The following HECTD4 variants were observed in gnomAD, a reference collection of about 807,000 sequenced individuals.
The protein encoded by HECTD4 is probable E3 ubiquitin-protein ligase HECTD4.
HECTD4 carries 114 observed loss-of-function variants against 471.5 expected under a neutral mutation model. The observed-to-expected ratio is 0.24, with a 90% CI of 0.21 to 0.28. HECTD4 has a LOEUF of 0.28. Ranked by LOEUF, HECTD4 falls within the 10% of genes least tolerant of loss-of-function variation. The pLI is 1.00. For missense variants in HECTD4, 3,866 were observed against 5,651.5 expected, an observed-to-expected ratio of 0.68 and a Z score of 10.13; for synonymous variants, 2,012 against 2,256.0, an observed-to-expected ratio of 0.89 and a Z score of 3.07.
rs781520253 is a variant in HECTD4 at position 112,256,432 on chromosome 12, A to G, written c.3215T>C (p.Val1072Ala). The change falls in exon 21 of 76, where the codon GTC (valine) becomes GCC (alanine). Residue 1072 changes from valine to alanine, a missense_variant. Val to Ala is a moderately conservative substitution (Grantham distance 64). Transcript: ENST00000682272. ...TTTATAGTTGTCTCTGACGGGGTGG[A>G]CTGTTTCCACAGTCTTTCCAGCAGC... ...PWAAGKTVETVHPVRDNYKFK... is the reference protein window; with the variant it reads ...PWAAGKTVETAHPVRDNYKFK... 1.2e-6 allele frequency: 2 copies of G among 1,612,974 alleles called. No homozygotes were observed. Among genetic ancestry groups the G allele is most frequent in the South Asian group, 1.1e-5 (1 of 90,772 alleles).
At chr12:112,371,263 C>A (rs757190481) in intron 1 of HECTD4, among the ~76,000 whole-genome samples, 3 of 152,180 alleles carry the variant, frequency 2.0e-5, no homozygotes, top group Non-Finnish European at 4.4e-5. Flanking sequence ...CCTAGCCACA[C>A]TGCAAACAAA....
chr12:112,201,046 G>A (rs1189884028), intron 54 of HECTD4: 4 of 559,718 alleles, frequency 7.1e-6, no homozygotes, highest in Non-Finnish European at 1.3e-5. Context: ...CTTGCTATGT[G>A]CTTTTCTAAG....
At chr12:112,375,327 G>A (rs1184910287) in intron 1 of HECTD4, among the ~76,000 whole-genome samples, 5 of 152,132 alleles carry the variant, frequency 3.3e-5, no homozygotes, top group Non-Finnish European at 5.9e-5. Context: ...CCAGCTTTGG[G>A]CAATCACAAA....
chr12:112,338,068 T>C (rs2035990917), intron 1 of HECTD4, among the ~76,000 whole-genome samples: 1 of 152,220 alleles, frequency 6.6e-6, no homozygotes, highest in South Asian at 2.1e-4. Context: ...GAAATCGGTA[T>C]CACTGGGCTG....
intron 20 of HECTD4, among the ~76,000 whole-genome samples, chr12:112,258,145 C>T (rs996063591): frequency 1.5e-4 from 23 of 151,216 alleles, no homozygotes; most frequent in African/African-American, 3.4e-4. Flanking sequence ...GCTGAGATTG[C>T]GCCACTGCAC....
Position 112,179,206 on chromosome 12 carries a change from G to A in HECTD4, c.11179C>T (p.Pro3727Ser). 1 of 1,613,840 alleles carries A rather than the reference G, an allele frequency of 6.2e-7. No individual in the cohort carries two copies. Among genetic ancestry groups the A allele is most frequent in the Non-Finnish European group, 8.5e-7 (1 of 1,179,846 alleles). Reference protein sequence around the residue: ...LHLFFTNVRPPKKVLEDQLTQ... With the variant: ...LHLFFTNVRPSKKVLEDQLTQ... ...AGCTGATCCTCCAGCACCTTTTTTG[G>A]CGGCCGGACATTGGTGAAGAAGAGG... Residue 3727 changes from proline to serine, a missense_variant, in exon 63 of 76, where the codon CCA becomes TCA. Transcript: ENST00000682272. This position sits in a 1 kb window ranked among gnomAD's most constrained non-coding sequence, Gnocchi z 4.3.
In HECTD4 at chr12:112,382,061, A is replaced by G; in HGVS notation, c.68T>C (p.Val23Ala). 1 of 1,225,742 alleles carries G rather than the reference A, an allele frequency of 8.2e-7. No homozygotes were observed. Among genetic ancestry groups the G allele is most frequent in the Non-Finnish European group, 1.0e-6 (1 of 984,774 alleles). The allele number at this position is 1,225,742 out of a possible 1,614,324, so 75.9% of individuals were successfully genotyped here. A position where few individuals can be genotyped will look rare whatever the true frequency, so the allele number is the denominator to read the frequency against. Reference sequence around the variant, plus strand: ...GTGCAGGAAGATGGTCTCTTCCTTCACCGAGAGCCACTGCGCCGAGTCAGC... The same window carrying G: ...GTGCAGGAAGATGGTCTCTTCCTTCGCCGAGAGCCACTGCGCCGAGTCAGC... Reference protein sequence around the residue: ...AAADSAQWLSVKEETIFLHDG... With the variant: ...AAADSAQWLSAKEETIFLHDG... Residue 23 changes from valine (V) to alanine (A), a missense_variant, in exon 1 of 76, where the codon GTG (valine) becomes GCG (alanine). This residue lies in a region of HECTD4 where 440 missense variants were observed against 636.0 expected (regional missense o/e 0.69). Transcript: ENST00000682272.
At chr12:112,258,244 A>T (rs1469083850) in intron 20 of HECTD4, 1 of 306,452 alleles carries the variant, frequency 3.3e-6, no homozygotes, top group Non-Finnish European at 5.9e-6. Flanking sequence ...AATATTTTAC[A>T]TCCCCACTAT....
chr12:112,324,921 T>C lies in HECTD4; in HGVS notation c.178-5179A>G, dbSNP rs1594046258. ...TACCTACCTATGTACTCAACATACA[T>C]TTTTATTTATGGTACACCAATCATC... On this transcript the variant is annotated intron_variant, in intron 1 of 75. Transcript: ENST00000682272. 4.6e-5 allele frequency among the ~76,000 whole-genome samples: 7 copies of C among 152,338 alleles called. No individual in the cohort carries two copies. In the South Asian group the frequency reaches 1.4e-3, roughly 32 times the overall value.
chr12:112,346,536 G>A (rs1191538229), intron 1 of HECTD4, among the ~76,000 whole-genome samples: 2 of 152,168 alleles, frequency 1.3e-5, no homozygotes, highest in African/African-American at 2.4e-5. Context: ...TGCAAGATGA[G>A]CTATTTAAAT....
In HECTD4 at chr12:112,228,063, T is replaced by C. The variant is rs1418935616; in HGVS notation, c.6854+26A>G. The C allele has an allele frequency of 2.5e-6, 4 of 1,580,804 alleles. No individual in the cohort carries two copies. Among genetic ancestry groups the C allele is most frequent in the South Asian group, 1.2e-5 (1 of 84,554 alleles). ...TGTCAGCTTGCACCATGTCAGCACA[T>C]AAGGCAATGTGGGGAGGGTACTCAC... is the stretch of plus-strand genomic sequence containing the variant. On this transcript the variant is annotated intron_variant, in intron 43 of 75. Coordinates refer to ENST00000682272, the MANE Select transcript of HECTD4 (RefSeq NM_001388303.1). This position sits in a 1 kb window ranked among gnomAD's most constrained non-coding sequence, Gnocchi z 4.9.
At chr12:112,175,994 G>A in intron 65 of HECTD4, 135 bp from the exon 66 acceptor site, 2 of 1,197,426 alleles carry the variant, frequency 1.7e-6, no homozygotes, top group Middle Eastern at 2.8e-4. Flanking sequence ...CCGTAACTCT[G>A]GGAATTGTCA....
At position 112,243,562 on chromosome 12, in the gene HECTD4, G is replaced by T; in HGVS notation, c.4792-43C>A. 1 of 1,599,474 alleles carries T rather than the reference G, an allele frequency of 6.3e-7. No individual in the cohort carries two copies. The highest frequency in any genetic ancestry group is 8.5e-7 in the Non-Finnish European group (1 of 1,172,384). On this transcript the variant is annotated intron_variant, in intron 31 of 75. Coordinates refer to ENST00000682272, the MANE Select transcript of HECTD4 (RefSeq NM_001388303.1). This position sits in a 1 kb window ranked among gnomAD's most constrained non-coding sequence, Gnocchi z 6.6. The stretch of plus-strand genomic sequence containing the variant: ...GGACACCTGACTCCTGCTAACTGCC[G>T]CAAGACCCCGCATGCTGTTAGGTGC...
chr12:112,259,120 T>A lies in HECTD4; in HGVS notation c.3019A>T (p.Thr1007Ser). The A allele has an allele frequency of 6.2e-7, 1 of 1,611,674 alleles. No individual in the cohort carries two copies. Among genetic ancestry groups the A allele is most frequent in the Non-Finnish European group, 8.5e-7 (1 of 1,179,292 alleles). Residue 1007 changes from threonine (T) to serine (S), a missense_variant, in exon 19 of 76, where the codon ACC becomes TCC. Thr to Ser is a moderately conservative substitution (Grantham distance 58, BLOSUM62 1). Transcript: ENST00000682272. ...CACACCAAGGATCATACCTGGCTGG[T>A]ATAGAGTACCAGCTGCACTAGCTGA... ...MPQLVQLVLY[T>S]SQTALLLKTQ...
At chr12:112,261,115 C>G (rs1450709743) in intron 18 of HECTD4, among the ~76,000 whole-genome samples, 190 bp downstream of exon 18, 3 of 152,180 alleles carry the variant, frequency 2.0e-5, no homozygotes, top group Non-Finnish European at 4.4e-5. Context: ...GCTGTTGGCC[C>G]AATCTCACCT....
chr12:112,285,631 CATTCAATGAATACTCG>C (rs1212401518), intron 7 of HECTD4, among the ~76,000 whole-genome samples: 1 of 152,168 alleles, frequency 6.6e-6, no homozygotes, highest in Non-Finnish European at 1.5e-5. Context: ...ACTTAGGAGG[CATTCAATGAATACTCG>C]ATTGCTTGCT....
At chr12:112,189,569 A>AAAAAAAC in intron 60 of HECTD4, among the ~76,000 whole-genome samples, 1 of 151,026 alleles carries the variant, frequency 6.6e-6, no homozygotes, top group Admixed American at 6.6e-5. Flanking sequence ...AAAAAAAAAA[A>AAAAAAAC]AAAAAAGAAA....
rs192080236 is a variant in HECTD4, at chr12:112,191,553, T to G, written c.9293-588A>C. On this transcript the variant is annotated intron_variant, in intron 59 of 75. Transcript: ENST00000682272. ...CATCCTGCACTGCCCCTGAAGCCCCTCTATAAACACCAGTCAGACAGAAGC... is the reference window on the plus strand; with the variant it reads ...CATCCTGCACTGCCCCTGAAGCCCCGCTATAAACACCAGTCAGACAGAAGC... Among the ~76,000 whole-genome samples the G allele has an allele frequency of 8.6e-4, 131 of 152,242 alleles. 1 individual carries two copies. The highest frequency in any genetic ancestry group is 1.1e-3 in the Non-Finnish European group (76 of 68,006).
rs1250442036 is a variant in HECTD4, at chr12:112,319,047, G to A, written c.695+178C>T. Among the ~76,000 whole-genome samples the A allele has an allele frequency of 6.6e-6, 1 of 152,228 alleles. No homozygotes were observed. The highest frequency in any genetic ancestry group is 2.4e-5 in the African/African-American group (1 of 41,458). ...TTTGGTTCCAACTCAGGCACCTGGTGCCAAGTTTGGTGAAAGCATCTCATG... is the reference window on the plus strand; with the variant it reads ...TTTGGTTCCAACTCAGGCACCTGGTACCAAGTTTGGTGAAAGCATCTCATG... On this transcript the variant is annotated intron_variant, in intron 2 of 75. Transcript: ENST00000682272. The surrounding 1 kb of genome is among the most constrained non-coding windows in gnomAD (Gnocchi z 5.3).
Sources: allele counts gnomAD v4.1 joint callset (sites outside exome capture counted in the v4.1 genomes callset), GRCh38; gene constraint gnomAD v4.1.1; regional missense constraint gnomAD v4.1.1; non-coding constraint Gnocchi (gnomAD v3.1); transcripts MANE v1.5; gene names NCBI Gene and HGNC (gene_info 2026-07-23, HGNC 2026-07-21).